Variants in SOX5 observed in about 807,000 individuals in gnomAD.
SOX5 encodes transcription factor SOX-5.
Under a neutral mutation model 92.0 loss-of-function variants are expected in SOX5, and 9 were observed. The observed-to-expected ratio is 0.10, with a 90% CI of 0.06 to 0.17. SOX5 has a LOEUF of 0.17. SOX5 is among the 10% of genes least tolerant of loss of function. SOX5 has a pLI of 1.00. For synonymous variants in SOX5, 344 were observed against 336.3 expected (o/e 1.02, Z -0.25); for missense variants, 642 against 944.5 (o/e 0.68, Z 4.20).
chr12:23,641,842 T>C (rs1012217688), intron 7 of SOX5, among the ~76,000 whole-genome samples: 10 of 152,182 alleles, frequency 6.6e-5, no homozygotes, highest in African/African-American at 2.4e-4. Flanking sequence ...GAAATCTAAT[T>C]TATAAAAAAT....
chr12:24,113,990 T>G (rs1225645174), intron 4 of SOX5, among the ~76,000 whole-genome samples: 1 of 152,200 alleles, frequency 6.6e-6, no homozygotes. Flanking sequence ...GTTTTGTTAA[T>G]GAAATTGGCA....
intron 4 of SOX5, among the ~76,000 whole-genome samples, chr12:24,012,056 C>T (rs1156627779): frequency 6.6e-6 from 1 of 152,042 alleles, no homozygotes; most frequent in Non-Finnish European, 1.5e-5. Context: ...ATCACTTTTG[C>T]TAACTTTTTG....
At position 24,263,544 on chromosome 12, in the gene SOX5, A is replaced by AAAAC. The variant is rs1324390735; in HGVS notation, c.-77+13671_-77+13672insGTTT. Among the ~76,000 whole-genome samples the AAAAC allele has an allele frequency of 3.4e-4, 51 of 149,602 alleles. 2 individuals are homozygous for AAAAC. Among genetic ancestry groups the AAAAC allele is most frequent in the Non-Finnish European group, 4.0e-4 (27 of 67,108 alleles). On this transcript the variant is annotated intron_variant, in intron 3 of 4. Transcript: ENST00000446891. Reference sequence around the variant, plus strand: ...CTCCGTCTCAAAAAAAAAAAAACAAAAAAAAAAACAAAAACAAGAAATTAC... The same window carrying AAAAC: ...CTCCGTCTCAAAAAAAAAAAAACAAAAAACAAAAAAAACAAAAACAAGAAATTAC...
chr12:23,621,913 C>G (rs192975562), intron 8 of SOX5, among the ~76,000 whole-genome samples: 1 of 152,200 alleles, frequency 6.6e-6, no homozygotes, highest in East Asian at 1.9e-4. Context: ...TTTTCATATT[C>G]AGATGACTGT....
chr12:24,193,477 T>C (rs1036738737), intron 4 of SOX5, among the ~76,000 whole-genome samples: 1 of 152,182 alleles, frequency 6.6e-6, no homozygotes, highest in East Asian at 1.9e-4. Context: ...GCAAACTGGT[T>C]TACATGAAGC....
At chr12:23,869,539 CCT>C (rs562641280) in intron 2 of SOX5, among the ~76,000 whole-genome samples, 78 of 152,080 alleles carry the variant, frequency 5.1e-4, no homozygotes, top group Non-Finnish European at 8.8e-4. Context: ...ATCTCATGCA[CCT>C]CTGTTTTGTT....
chr12:24,127,513 A>C (rs1949228352), intron 4 of SOX5, among the ~76,000 whole-genome samples: 1 of 152,128 alleles, frequency 6.6e-6, no homozygotes, highest in Non-Finnish European at 1.5e-5. Flanking sequence ...CTATATTCCT[A>C]CATTTATCTC....
At chr12:23,538,146 G>C (rs763663758) in intron 13 of SOX5, among the ~76,000 whole-genome samples, 1 of 152,060 alleles carries the variant, frequency 6.6e-6, no homozygotes, top group Admixed American at 6.6e-5. Context: ...TTACTCACCC[G>C]TAACTCCCTA....
At chr12:24,500,268 A>C (rs1048235971) in intron 1 of SOX5, among the ~76,000 whole-genome samples, 1 of 152,232 alleles carries the variant, frequency 6.6e-6, no homozygotes, top group Non-Finnish European at 1.5e-5. Flanking sequence ...GTCCCTTATT[A>C]AGTATTCTTG....
chr12:23,934,365 T>G (rs186388554), intron 1 of SOX5, among the ~76,000 whole-genome samples: 1 of 150,616 alleles, frequency 6.6e-6, no homozygotes, highest in Non-Finnish European at 1.5e-5. Flanking sequence ...AAAATATTCA[T>G]GTCAAAAATC....
intron 4 of SOX5, among the ~76,000 whole-genome samples, chr12:24,200,891 A>G (rs889468900): frequency 5.9e-5 from 9 of 152,180 alleles, no homozygotes; most frequent in Admixed American, 5.9e-4. Context: ...CTTATGCTCA[A>G]AATGCTAATT....
chr12:24,147,766 A>G (rs1951227897), intron 4 of SOX5, among the ~76,000 whole-genome samples: 1 of 152,206 alleles, frequency 6.6e-6, no homozygotes, highest in Admixed American at 6.5e-5. Context: ...ATATATCAAC[A>G]AGGAAAATTC....
At chr12:24,078,924 G>T (rs1349731545) in intron 4 of SOX5, among the ~76,000 whole-genome samples, 1 of 151,956 alleles carries the variant, frequency 6.6e-6, no homozygotes, top group Admixed American at 6.6e-5. Flanking sequence ...TTTTTTAATA[G>T]AAATATGGTT....
chr12:23,876,651 C>A (rs914210658), intron 2 of SOX5, among the ~76,000 whole-genome samples: 1 of 152,150 alleles, frequency 6.6e-6, no homozygotes, highest in African/African-American at 2.4e-5. Flanking sequence ...TGGGTATATA[C>A]CCAAAGGATT....
At chr12:23,670,201 A>G (rs956335257) in intron 6 of SOX5, among the ~76,000 whole-genome samples, 4 of 152,232 alleles carry the variant, frequency 2.6e-5, no homozygotes, top group African/African-American at 9.6e-5. Context: ...TCTAGAGACA[A>G]AAATAACATC....
intron 2 of SOX5, among the ~76,000 whole-genome samples, chr12:23,892,290 T>C (rs548847788): frequency 6.6e-6 from 1 of 152,000 alleles, no homozygotes; most frequent in Non-Finnish European, 1.5e-5. Context: ...CATGTGAAAA[T>C]AGAGAGTTTT....
At chr12:23,727,291 G>C (rs1035345248) in intron 6 of SOX5, among the ~76,000 whole-genome samples, 3 of 151,984 alleles carry the variant, frequency 2.0e-5, no homozygotes, top group Non-Finnish European at 4.4e-5. Context: ...AAAATATCAA[G>C]GACATAGAGT....
At chr12:24,343,647 A>G (rs1368328333) in intron 2 of SOX5, among the ~76,000 whole-genome samples, 1 of 152,094 alleles carries the variant, frequency 6.6e-6, no homozygotes, top group Non-Finnish European at 1.5e-5. Context: ...TTCCATTATT[A>G]TATCCCCAAT....
At chr12:23,666,574 T>C (rs914181821) in intron 6 of SOX5, among the ~76,000 whole-genome samples, 1 of 152,192 alleles carries the variant, frequency 6.6e-6, no homozygotes, top group Non-Finnish European at 1.5e-5. Flanking sequence ...TATTGATGGA[T>C]GGATATATGG....
Sources: allele counts gnomAD v4.1 joint callset (sites outside exome capture counted in the v4.1 genomes callset), GRCh38; gene constraint gnomAD v4.1.1; transcripts MANE v1.5; gene names NCBI Gene and HGNC (gene_info 2026-07-23, HGNC 2026-07-21).